The following POFUT1 variants were observed in gnomAD, a reference collection of about 807,000 sequenced individuals.
POFUT1 encodes the protein protein O-fucosyltransferase 1.
A neutral mutation model predicts 42.4 loss-of-function variants in POFUT1; 16 were observed. That is an observed-to-expected ratio of 0.38 (90% CI 0.26 to 0.57). The LOEUF is 0.57. Ranked by LOEUF, POFUT1 falls within the 20% of genes least tolerant of loss-of-function variation. POFUT1 has a pLI of 0.71. For missense variants in POFUT1, 470 were observed against 504.6 expected, an observed-to-expected ratio of 0.93 and a Z score of 0.66; for synonymous variants, 206 against 205.4, an observed-to-expected ratio of 1.00 and a Z score of -0.03.
intron 4 of POFUT1, among the ~76,000 whole-genome samples, chr20:32,219,007 T>C (rs1477953689): frequency 6.6e-6 from 1 of 151,856 alleles, no homozygotes; most frequent in Non-Finnish European, 1.5e-5. Flanking sequence ...TTTGAGGGAG[T>C]TGATGGTCCC....
intron 2 of POFUT1, among the ~76,000 whole-genome samples, chr20:32,213,006 C>T (rs2047338194): frequency 1.3e-5 from 2 of 151,948 alleles, no homozygotes; most frequent in Non-Finnish European, 2.9e-5. Flanking sequence ...TGCCTCAGAT[C>T]TCCCAAGTAG....
chr20:32,215,486 G>C (rs758759379), intron 3 of POFUT1, 35 bp downstream of exon 3: 1 of 1,570,540 alleles, frequency 6.4e-7, no homozygotes, highest in Non-Finnish European at 8.7e-7. Context: ...CTTTCTTCCT[G>C]TTCCATGTCC....
chr20:32,214,059 G>A (rs187542886), intron 2 of POFUT1, among the ~76,000 whole-genome samples: 39 of 151,888 alleles, frequency 2.6e-4, no homozygotes, highest in African/African-American at 8.7e-4. Context: ...TGATCTCCAG[G>A]TCCAAAGTGC....
At position 32,234,776 on chromosome 20, in the gene POFUT1, T is replaced by A; in HGVS notation, c.*115T>A. 1 of 889,604 alleles carries A rather than the reference T, an allele frequency of 1.1e-6. No individual in the cohort carries two copies. The highest frequency in any genetic ancestry group is 1.7e-6 in the Non-Finnish European group (1 of 592,174). The allele number at this position is 889,604 out of a possible 1,614,324, so 55.1% of individuals were successfully genotyped here. A position where few individuals can be genotyped will look rare whatever the true frequency, so the allele number is the denominator to read the frequency against. ...GGGATTGCAAACTCCTCTTCTCACCTGCCAAAGATGGAGAAGAGTGCCAGG... is the reference window on the plus strand; with the variant it reads ...GGGATTGCAAACTCCTCTTCTCACCAGCCAAAGATGGAGAAGAGTGCCAGG... On this transcript the variant is annotated 3_prime_UTR_variant, in exon 7 of 7. Coordinates refer to ENST00000375749, the MANE Select transcript of POFUT1 (RefSeq NM_015352.2).
intron 6 of POFUT1, among the ~76,000 whole-genome samples, chr20:32,233,237 T>C (rs1181306153): frequency 6.6e-6 from 1 of 152,222 alleles, no homozygotes; most frequent in East Asian, 1.9e-4. Flanking sequence ...AGCAGGGTTC[T>C]GTGAGAGTGA....
At chr20:32,226,422 GTACT>G (rs756171757) in intron 4 of POFUT1, among the ~76,000 whole-genome samples, 8 of 151,502 alleles carry the variant, frequency 5.3e-5, no homozygotes, top group African/African-American at 9.7e-5. Context: ...CAGTTTTCTT[GTACT>G]TACTTCTGAG....
chr20:32,213,648 G>A (rs2047342849), intron 2 of POFUT1, among the ~76,000 whole-genome samples: 1 of 151,938 alleles, frequency 6.6e-6, no homozygotes, highest in Non-Finnish European at 1.5e-5. Context: ...GTGCGTGCCT[G>A]CAATCCCAGC....
chr20:32,226,155 G>A (rs114973887), intron 4 of POFUT1, among the ~76,000 whole-genome samples: 1 of 152,204 alleles, frequency 6.6e-6, no homozygotes, highest in African/African-American at 2.4e-5. Context: ...AGCAAAGTTA[G>A]TTTCTGCTGA....
intron 4 of POFUT1, chr20:32,217,330 A>G: frequency 3.2e-6 from 4 of 1,244,258 alleles, no homozygotes; most frequent in Non-Finnish European, 4.0e-6. Context: ...AGCATAGTGT[A>G]CTTGTCCTTA....
chr20:32,223,528 T>C, intron 4 of POFUT1: 6 of 985,370 alleles, frequency 6.1e-6, no homozygotes, highest in Non-Finnish European at 7.2e-6. Flanking sequence ...ATCCTGGTTT[T>C]ATCCTGATAT....
intron 6 of POFUT1, among the ~76,000 whole-genome samples, chr20:32,231,734 A>G (rs2047444810): frequency 6.6e-6 from 1 of 152,232 alleles, no homozygotes; most frequent in Admixed American, 6.5e-5. Context: ...GGTCAGATGT[A>G]AAGAAATTGA....
chr20:32,227,294 A>G (rs1180701366), intron 4 of POFUT1, among the ~76,000 whole-genome samples: 1 of 152,192 alleles, frequency 6.6e-6, no homozygotes, highest in African/African-American at 2.4e-5. Context: ...AAGTAGGCAG[A>G]TCACTTGAGT....
intron 6 of POFUT1, among the ~76,000 whole-genome samples, chr20:32,233,702 G>C (rs17123073): frequency 0.057 from 8,725 of 152,160 alleles, 897 homozygotes; most frequent in African/African-American, 0.2. Context: ...CAAGAGAAGG[G>C]CTCACCTTTG....
chr20:32,225,901 C>G (rs909065390), intron 4 of POFUT1, among the ~76,000 whole-genome samples: 3 of 152,188 alleles, frequency 2.0e-5, no homozygotes, highest in African/African-American at 7.2e-5. Context: ...GTCACCTGCC[C>G]AAGTTAGCTA....
At chr20:32,225,765 C>T (rs946415249) in intron 4 of POFUT1, among the ~76,000 whole-genome samples, 3 of 152,036 alleles carry the variant, frequency 2.0e-5, no homozygotes, top group Admixed American at 2.0e-4. Context: ...GCTGGGATTA[C>T]AGAAGTGGCC....
rs2047475385 is a variant in POFUT1 at position 32,237,188 on chromosome 20, C to G, written c.*2527C>G. ...ATGGTTGCTCAGTACAACAGTCTTG[C>G]ATTCAGCAGGTGTTTGTTCATCACC... On this transcript the variant is annotated 3_prime_UTR_variant, in exon 7 of 7. Coordinates refer to ENST00000375749, the MANE Select transcript of POFUT1 (RefSeq NM_015352.2). 6.5e-6 allele frequency: 1 copy of G among 152,750 alleles called. No individual in the cohort carries two copies. Among genetic ancestry groups the G allele is most frequent in the Non-Finnish European group, 1.5e-5 (1 of 68,436 alleles). The allele number at this position is 152,750 out of a possible 1,614,324, so 9.5% of individuals were successfully genotyped here. A position where few individuals can be genotyped will look rare whatever the true frequency, so the allele number is the denominator to read the frequency against.
intron 4 of POFUT1, chr20:32,223,851 C>A: frequency 4.4e-6 from 1 of 228,802 alleles, no homozygotes; most frequent in Non-Finnish European, 7.2e-6. Flanking sequence ...TAGTTAAGAA[C>A]ATAGGATCTG....
rs1429605418 is a variant in POFUT1 at position 32,238,428 on chromosome 20, A to G, written c.*3767A>G. The G allele has an allele frequency of 1.3e-5, 2 of 151,976 alleles. No homozygotes were observed. The highest frequency in any genetic ancestry group is 2.9e-5 in the Non-Finnish European group (2 of 68,006). 9.4% of individuals were successfully genotyped at this position (151,976 alleles called of 1,614,324 possible). On this transcript the variant is annotated 3_prime_UTR_variant, in exon 7 of 7. Coordinates refer to ENST00000375749, the MANE Select transcript of POFUT1 (RefSeq NM_015352.2). ...AAAAAGGAGACTTCATGTGCCCCCA[A>G]TTTTTCACTATTGTTATTTGAAAAA...
At chr20:32,224,866 T>TA (rs1283359253) in intron 4 of POFUT1, among the ~76,000 whole-genome samples, 4 of 152,238 alleles carry the variant, frequency 2.6e-5, no homozygotes, top group Admixed American at 2.0e-4. Context: ...GAGAAGCTAA[T>TA]ACAACCACAT....
Sources: allele counts gnomAD v4.1 joint callset (sites outside exome capture counted in the v4.1 genomes callset), GRCh38; gene constraint gnomAD v4.1.1; transcripts MANE v1.5; gene names NCBI Gene and HGNC (gene_info 2026-07-23, HGNC 2026-07-21).